Variants in SHISA9 observed in about 807,000 individuals in gnomAD.
SHISA9 encodes the protein shisa family member 9.
In SHISA9, 13 loss-of-function variants were observed where a neutral mutation model predicts 38.0. The observed-to-expected ratio is 0.34, with a 90% CI of 0.22 to 0.54. The LOEUF is 0.54. Ranked by LOEUF, SHISA9 falls within the 20% of genes least tolerant of loss-of-function variation. The probability of loss-of-function intolerance (pLI) is 0.91; values close to 1 mark genes in which losing one functional copy is unlikely to be tolerated. For missense variants in SHISA9, 538 were observed against 575.8 expected (o/e 0.93, Z 0.67); for synonymous variants, 275 against 242.0 (o/e 1.14, Z -1.27).
chr16:13,339,594 A>G, the SHISA9 span, among the ~76,000 whole-genome samples: 1 of 152,186 alleles, frequency 6.6e-6, no homozygotes, highest in East Asian at 1.9e-4. Flanking sequence ...CATAATACCC[A>G]TAGTAGATTT....
At chr16:12,939,983 C>T (rs559501029) in intron 2 of SHISA9, among the ~76,000 whole-genome samples, 73 of 152,318 alleles carry the variant, frequency 4.8e-4, no homozygotes, top group African/African-American at 1.7e-3. Flanking sequence ...TTCAGGAATA[C>T]TGCCTTAAAA....
intron 2 of SHISA9, among the ~76,000 whole-genome samples, chr16:13,070,133 TG>T (rs2073494619): frequency 6.6e-6 from 1 of 151,594 alleles, no homozygotes; most frequent in Admixed American, 6.6e-5. Context: ...CGTGTGTGTG[TG>T]TGTGTGTGTG....
At chr16:13,551,123 CG>C in the SHISA9 span, among the ~76,000 whole-genome samples, 2 of 130,918 alleles carry the variant, frequency 1.5e-5, no homozygotes, top group Admixed American at 7.2e-5. Flanking sequence ...GACTCCATCT[CG>C]AAAAAAAAAA....
the SHISA9 span, among the ~76,000 whole-genome samples, chr16:13,426,052 C>T: frequency 6.6e-6 from 1 of 152,280 alleles, no homozygotes; most frequent in Non-Finnish European, 1.5e-5. Flanking sequence ...TCTGAGCCCA[C>T]TCTGAAGGTC....
intron 2 of SHISA9, among the ~76,000 whole-genome samples, chr16:12,962,019 G>C (rs2071918354): frequency 6.6e-6 from 1 of 152,222 alleles, no homozygotes; most frequent in African/African-American, 2.4e-5. Flanking sequence ...CAACATCAGA[G>C]CTCCCAGCAT....
chr16:13,260,061 G>A, the SHISA9 span, among the ~76,000 whole-genome samples: 6 of 110,116 alleles, frequency 5.4e-5, no homozygotes, highest in East Asian at 1.7e-3. Context: ...CTGTCACCCA[G>A]GCTGGAGTGC....
chr16:13,267,207 C>T, the SHISA9 span, among the ~76,000 whole-genome samples: 17 of 152,004 alleles, frequency 1.1e-4, no homozygotes, highest in Non-Finnish European at 2.5e-4. Context: ...AGAATTATTA[C>T]AAAAATCACT....
At chr16:12,909,379 A>G (rs1014610032) in intron 1 of SHISA9, 4 of 985,500 alleles carry the variant, frequency 4.1e-6, no homozygotes, top group East Asian at 1.1e-4. Context: ...TTGTGCAAGA[A>G]GAAGTGCTCA....
At chr16:13,092,976 C>A (rs1421698619) in intron 2 of SHISA9, among the ~76,000 whole-genome samples, 5 of 152,174 alleles carry the variant, frequency 3.3e-5, no homozygotes, top group Non-Finnish European at 5.9e-5. Flanking sequence ...GAGAATCAGA[C>A]TTTTAAACAT....
chr16:13,247,478 C>T, the SHISA9 span, among the ~76,000 whole-genome samples: 9 of 152,110 alleles, frequency 5.9e-5, no homozygotes, highest in South Asian at 2.1e-4. Context: ...AGTGCTGGAG[C>T]GAGAATCTAA....
intron 2 of SHISA9, among the ~76,000 whole-genome samples, chr16:13,185,596 ATC>A (rs1460594200): frequency 6.6e-6 from 1 of 152,206 alleles, no homozygotes; most frequent in East Asian, 1.9e-4. Context: ...GTTGCCTCTA[ATC>A]TCTCTTTGTA....
intron 2 of SHISA9, among the ~76,000 whole-genome samples, chr16:13,154,129 C>A (rs1329621672): frequency 6.6e-6 from 1 of 152,114 alleles, no homozygotes; most frequent in Non-Finnish European, 1.5e-5. Flanking sequence ...TCTTCTACAC[C>A]TATCTCATTT....
At chr16:12,960,143 C>G (rs2071889900) in intron 2 of SHISA9, among the ~76,000 whole-genome samples, 1 of 152,142 alleles carries the variant, frequency 6.6e-6, no homozygotes, top group Non-Finnish European at 1.5e-5. Flanking sequence ...AGCCTTGAAC[C>G]CTGGTTACAT....
the SHISA9 span, among the ~76,000 whole-genome samples, chr16:13,473,761 G>A: frequency 2.0e-5 from 3 of 152,036 alleles, no homozygotes; most frequent in East Asian, 5.8e-4. Context: ...TACCTCTCTG[G>A]ACTTCAGTAA....
chr16:13,203,470 C>T lies in SHISA9; in HGVS notation c.768C>T (p.Asn256=), dbSNP rs1254041167. The T allele has an allele frequency of 3.9e-6, 6 of 1,551,332 alleles. No homozygotes were observed. The Admixed American group carries it at 5.9e-5, about 15-fold the overall frequency. The change falls in exon 3 of 5, where the codon AAC becomes AAT. Residue 256 remains asparagine, a synonymous_variant. Coordinates refer to ENST00000558583, the MANE Select transcript of SHISA9 (RefSeq NM_001145204.3). ...TGGGCCATCCACATTCGTACCCGAA[C>T]CTGGGCCAGATCTCCAACCCCTATG... ...QQMGHPHSYP[N]LGQISNPYEQ...
chr16:13,312,409 C>T, the SHISA9 span, among the ~76,000 whole-genome samples: 7 of 152,290 alleles, frequency 4.6e-5, no homozygotes, highest in African/African-American at 1.2e-4. Context: ...CCTGTCCCCC[C>T]CTCAGTCATG....
At chr16:13,553,799 G>A in the SHISA9 span, among the ~76,000 whole-genome samples, 1 of 152,124 alleles carries the variant, frequency 6.6e-6, no homozygotes, top group Non-Finnish European at 1.5e-5. Context: ...TTTAGTTAGC[G>A]CCAATTAACT....
intron 2 of SHISA9, among the ~76,000 whole-genome samples, chr16:13,140,028 G>A (rs1014436109): frequency 2.6e-5 from 4 of 151,154 alleles, no homozygotes; most frequent in African/African-American, 9.7e-5. Flanking sequence ...TTCTTGTTTT[G>A]CGAGTAGATA....
At chr16:13,206,781 T>A (rs2051069161) in intron 3 of SHISA9, among the ~76,000 whole-genome samples, 1 of 152,260 alleles carries the variant, frequency 6.6e-6, no homozygotes, top group Non-Finnish European at 1.5e-5. Flanking sequence ...ACCCTCGTTA[T>A]GTCCCATGAC....
Sources: allele counts gnomAD v4.1 joint callset (sites outside exome capture counted in the v4.1 genomes callset), GRCh38; gene constraint gnomAD v4.1.1; transcripts MANE v1.5; gene names NCBI Gene and HGNC (gene_info 2026-07-23, HGNC 2026-07-21).